CRYBG1: variants seen among roughly 807,000 people sequenced by gnomAD.
CRYBG1 encodes crystallin beta-gamma domain containing 1.
In CRYBG1, 139 loss-of-function variants were observed where a neutral mutation model predicts 189.2. That is an observed-to-expected ratio of 0.73 (90% confidence interval 0.64 to 0.85). The LOEUF is 0.85. CRYBG1 is among the 40% of genes least tolerant of loss of function. CRYBG1 has a pLI of 0.00. For synonymous variants in CRYBG1, 1,023 were observed against 1,017.1 expected, an observed-to-expected ratio of 1.01 and a Z score of -0.11; for missense variants, 2,611 against 2,675.8, an observed-to-expected ratio of 0.98 and a Z score of 0.53.
chr6:106,433,047 G>T (rs1215572887), intron 1 of CRYBG1, among the ~76,000 whole-genome samples: 1 of 151,878 alleles, frequency 6.6e-6, no homozygotes, highest in Non-Finnish European at 1.5e-5. Context: ...CACGATGTTA[G>T]TCAGGCTGGT....
At chr6:106,373,022 G>T (rs943889863) in intron 1 of CRYBG1, among the ~76,000 whole-genome samples, 1 of 152,178 alleles carries the variant, frequency 6.6e-6, no homozygotes, top group African/African-American at 2.4e-5. Flanking sequence ...GTGTGTGTGT[G>T]TACAGGGGAG....
At chr6:106,427,853 C>A (rs1177915042) in intron 1 of CRYBG1, among the ~76,000 whole-genome samples, 2 of 152,164 alleles carry the variant, frequency 1.3e-5, no homozygotes, top group Non-Finnish European at 1.5e-5. Context: ...CCTCTGTCTG[C>A]CTCTTGCAGC....
intron 13 of CRYBG1, among the ~76,000 whole-genome samples, chr6:106,550,398 GTCT>G (rs200822725): frequency 0.012 from 1,900 of 152,300 alleles, 22 homozygotes; most frequent in Non-Finnish European, 0.02. Flanking sequence ...GATACTTAAT[GTCT>G]TCAATATAAT....
chr6:106,481,332 T>C (rs889078792), intron 2 of CRYBG1, among the ~76,000 whole-genome samples: 1 of 151,868 alleles, frequency 6.6e-6, no homozygotes, highest in African/African-American at 2.4e-5. Context: ...AAAGTTTAGC[T>C]TACTGTCATT....
At chr6:106,429,062 A>T (rs927940481) in intron 1 of CRYBG1, among the ~76,000 whole-genome samples, 4 of 152,226 alleles carry the variant, frequency 2.6e-5, no homozygotes, top group African/African-American at 7.2e-5. Flanking sequence ...AGACTCCTTG[A>T]AATGGATAAA....
At chr6:106,484,983 C>A (rs1772566634) in intron 2 of CRYBG1, among the ~76,000 whole-genome samples, 1 of 151,706 alleles carries the variant, frequency 6.6e-6, no homozygotes, top group Non-Finnish European at 1.5e-5. Flanking sequence ...AGAGCAAGAC[C>A]CTATTTAAAA....
At chr6:106,399,953 A>G (rs1043346733) in intron 1 of CRYBG1, among the ~76,000 whole-genome samples, 6 of 151,602 alleles carry the variant, frequency 4.0e-5, no homozygotes, top group Non-Finnish European at 2.9e-5. Flanking sequence ...CCTGACCAAC[A>G]TGGTGAAACC....
At chr6:106,405,299 T>G (rs1044262389) in intron 1 of CRYBG1, among the ~76,000 whole-genome samples, 5 of 152,202 alleles carry the variant, frequency 3.3e-5, no homozygotes, top group Non-Finnish European at 7.3e-5. Flanking sequence ...CCACCGCAGC[T>G]CAGCAGAGCC....
At chr6:106,381,366 G>A (rs1770285059) in intron 1 of CRYBG1, among the ~76,000 whole-genome samples, 1 of 152,162 alleles carries the variant, frequency 6.6e-6, no homozygotes, top group Admixed American at 6.5e-5. Flanking sequence ...TTTCCTGGGT[G>A]TGTTACCTTA....
chr6:106,417,431 C>A (rs920155737), intron 1 of CRYBG1, among the ~76,000 whole-genome samples: 2 of 152,058 alleles, frequency 1.3e-5, no homozygotes, highest in Non-Finnish European at 2.9e-5. Flanking sequence ...CTATTCCCAG[C>A]CTTGTTGAAA....
intron 2 of CRYBG1, among the ~76,000 whole-genome samples, chr6:106,497,624 TAGA>T (rs1289579998): frequency 1.3e-5 from 2 of 152,198 alleles, no homozygotes; most frequent in Non-Finnish European, 2.9e-5. Flanking sequence ...GAACAAGCAA[TAGA>T]AGAAGAGAAA....
Position 106,519,030 on chromosome 6 carries a change from C to A in CRYBG1, c.1923-101C>A, listed in dbSNP as rs534654599. The stretch of plus-strand genomic sequence containing the variant: ...ACACCACACTCCAAATGTTATATAT[C>A]AGGGAGATGTTGGCTTTTCATAGTT... On this transcript the variant is annotated intron_variant, in intron 3 of 21. Coordinates refer to ENST00000633556, the MANE Select transcript of CRYBG1 (RefSeq NM_001371242.2). 606 of 1,212,024 alleles carry A rather than the reference C, an allele frequency of 5.0e-4. 3 individuals carry two copies. The highest frequency in any genetic ancestry group is 2.2e-4 in the East Asian group (9 of 40,432). The allele number at this position is 1,212,024 out of a possible 1,614,324, so 75.1% of individuals were successfully genotyped here.
chr6:106,360,756 C>A lies in CRYBG1; in HGVS notation c.-153C>A. 3 of 875,316 alleles carry A rather than the reference C, an allele frequency of 3.4e-6. No homozygotes were observed. The highest frequency in any genetic ancestry group is 4.9e-6 in the Non-Finnish European group (3 of 606,164). The allele number at this position is 875,316 out of a possible 1,614,324, so 54.2% of individuals were successfully genotyped here. A position where few individuals can be genotyped will look rare whatever the true frequency, so the allele number is the denominator to read the frequency against. ...TGCGCTGGGTGCTGGTTCTGCAACC[C>A]GCGGCCGTCCCCCCGCATCCGCGAC... On this transcript the variant is annotated 5_prime_UTR_variant, in exon 1 of 22. Coordinates refer to ENST00000633556, the MANE Select transcript of CRYBG1 (RefSeq NM_001371242.2).
intron 1 of CRYBG1, among the ~76,000 whole-genome samples, chr6:106,391,361 C>T (rs897833363): frequency 2.0e-5 from 3 of 152,172 alleles, no homozygotes; most frequent in Admixed American, 6.5e-5. Flanking sequence ...GGATTACAGG[C>T]GTGAGCCACC....
At chr6:106,433,220 CA>C (rs1771370084) in intron 1 of CRYBG1, among the ~76,000 whole-genome samples, 1 of 152,302 alleles carries the variant, frequency 6.6e-6, no homozygotes, top group Admixed American at 6.5e-5. Flanking sequence ...ACCAGCAAGT[CA>C]GGGTTGCTGT....
chr6:106,512,066 C>T lies in CRYBG1; in HGVS notation c.949C>T (p.Pro317Ser). 9 of 1,534,276 alleles carry T rather than the reference C, an allele frequency of 5.9e-6. No homozygotes were observed. Among genetic ancestry groups the T allele is most frequent in the Non-Finnish European group, 7.9e-6 (9 of 1,146,156 alleles). Residue 317 changes from proline (P) to serine (S), a missense_variant, in exon 3 of 22, where the codon CCC becomes TCC. This residue lies in a region of CRYBG1 where 985 missense variants were observed against 924.4 expected (regional missense o/e 1.07). Coordinates refer to ENST00000633556, the MANE Select transcript of CRYBG1 (RefSeq NM_001371242.2). The part of the protein sequence containing the change: ...GGLGEAPNGA[P>S]SVCAEEGSLG... The stretch of plus-strand genomic sequence containing the variant: ...ACTAGGCGAGGCCCCTAACGGAGCC[C>T]CCAGTGTGTGTGCCGAAGAAGGCTC...
In CRYBG1 at chr6:106,435,317, G is replaced by A. The variant is rs56966283; in HGVS notation, c.174-16377G>A. 4.1e-3 allele frequency among the ~76,000 whole-genome samples: 625 copies of A among 152,000 alleles called. 5 individuals are homozygous for A. The highest frequency in any genetic ancestry group is 0.014 in the African/African-American group (597 of 41,466). ...CCAAGTAGCCAGGACTACAGGGGCCGCCACACCTGACTAATGTTTTAAATT... is the reference window on the plus strand; with the variant it reads ...CCAAGTAGCCAGGACTACAGGGGCCACCACACCTGACTAATGTTTTAAATT... On this transcript the variant is annotated intron_variant, in intron 1 of 21. Transcript: ENST00000633556.
intron 1 of CRYBG1, among the ~76,000 whole-genome samples, chr6:106,401,557 T>TC (rs1220782818): frequency 4.7e-5 from 4 of 85,446 alleles, no homozygotes; most frequent in Admixed American, 4.0e-4. Context: ...CCCTCCCCCC[T>TC]CCCCCGACCC....
chr6:106,457,417 C>T (rs563171893), intron 2 of CRYBG1, among the ~76,000 whole-genome samples: 11 of 152,322 alleles, frequency 7.2e-5, no homozygotes, highest in African/African-American at 2.4e-4. Flanking sequence ...GTCCTCATGA[C>T]CCAATCACCT....
Sources: gnomAD v4.1 joint callset for allele counts (sites outside exome capture counted in the v4.1 genomes callset) on GRCh38, gnomAD v4.1.1 for gene constraint, gnomAD v4.1.1 regional missense constraint, MANE v1.5 for transcripts, NCBI Gene and HGNC (gene_info 2026-07-23, HGNC 2026-07-21) for gene names.